Variants in DOCK5 observed in about 807,000 individuals in gnomAD.
DOCK5 encodes the protein dedicator of cytokinesis 5.
A neutral mutation model predicts 251.8 loss-of-function variants in DOCK5; 142 were observed. The ratio of observed to expected loss-of-function variants is 0.56; its 90% CI spans 0.49 to 0.65. The LOEUF (loss-of-function observed/expected upper bound fraction) is 0.65. DOCK5 is among the 30% of genes least tolerant of loss of function. The pLI is 0.00. For missense variants in DOCK5, 2,111 were observed against 2,312.3 expected (o/e 0.91, Z 1.79); for synonymous variants, 842 against 835.5 (o/e 1.01, Z -0.13).
rs910096030 is a variant in DOCK5, at chr8:25,342,459, C to T, written c.2569C>T (p.Leu857Phe). The change falls in exon 25 of 52, where the codon CTT becomes TTT. Residue 857 changes from leucine to phenylalanine, a missense_variant. Transcript: ENST00000276440. ...IPDNQLVRQK[L>F]NCMTKIVEST... ...TGACAACCAGCTGGTTCGGCAGAAA[C>T]TTAACTGCATGACCAAGATAGTAGA... 6.2e-7 allele frequency: 1 copy of T among 1,601,704 alleles called. No homozygotes were observed. The highest frequency in any genetic ancestry group is 1.7e-5 in the Admixed American group (1 of 58,754).
At chr8:25,352,289 A>AAGG (rs1211077361) in intron 27 of DOCK5, among the ~76,000 whole-genome samples, 63 of 149,612 alleles carry the variant, frequency 4.2e-4, no homozygotes, top group South Asian at 1.5e-3. Flanking sequence ...GGAAGGAAGG[A>AAGG]AAAAAGGAGA....
intron 2 of DOCK5, among the ~76,000 whole-genome samples, chr8:25,248,862 T>C (rs1803193002): frequency 6.6e-6 from 1 of 151,516 alleles, no homozygotes; most frequent in Non-Finnish European, 1.5e-5. Flanking sequence ...GGGTCAGGGG[T>C]CACCTCCACA....
intron 2 of DOCK5, among the ~76,000 whole-genome samples, chr8:25,258,135 G>T (rs1240285562): frequency 6.6e-6 from 1 of 151,970 alleles, no homozygotes; most frequent in Non-Finnish European, 1.5e-5. Flanking sequence ...AGGCACAGAG[G>T]GAGGTTTCCT....
At position 25,408,950 on chromosome 8, in the gene DOCK5, C is replaced by T; in HGVS notation, c.5404+10C>T. On this transcript the variant is annotated intron_variant, in intron 50 of 51. Transcript: ENST00000276440. ...GCCACCAGGACCCTAAGTAAGTTTTCCTGTATTCCTTATAGTCTTTTTACT... is the reference window on the plus strand; with the variant it reads ...GCCACCAGGACCCTAAGTAAGTTTTTCTGTATTCCTTATAGTCTTTTTACT... The T allele has an allele frequency of 6.2e-7, 1 of 1,613,920 alleles. No homozygotes were observed. Among genetic ancestry groups the T allele is most frequent in the Non-Finnish European group, 8.5e-7 (1 of 1,179,838 alleles).
intron 1 of DOCK5, among the ~76,000 whole-genome samples, chr8:25,192,055 A>G (rs931428889): frequency 1.3e-5 from 2 of 151,848 alleles, no homozygotes; most frequent in Admixed American, 6.6e-5. Context: ...GCTGAGAATG[A>G]TGGTTTCCAG....
Position 25,269,046 on chromosome 8 carries a change from G to C in DOCK5, c.168+161G>C, listed in dbSNP as rs143259364. Among the ~76,000 whole-genome samples, 10 of 152,274 alleles carry C rather than the reference G, an allele frequency of 6.6e-5. No individual in the cohort carries two copies. In the East Asian group the frequency reaches 1.9e-3, roughly 29 times the overall value. Reference sequence around the variant, plus strand: ...TTTGAAAGCAAATTCTCTGACCTCAGTGCCTAAATGTAATAGTGTAAATCC... The same window carrying C: ...TTTGAAAGCAAATTCTCTGACCTCACTGCCTAAATGTAATAGTGTAAATCC... On this transcript the variant is annotated intron_variant, in intron 3 of 51. Transcript: ENST00000276440.
chr8:25,288,504 T>G (rs1022791788), intron 5 of DOCK5, among the ~76,000 whole-genome samples: 1 of 152,188 alleles, frequency 6.6e-6, no homozygotes, highest in Admixed American at 6.5e-5. Flanking sequence ...ACGGATAGTG[T>G]CTAATGTAAC....
intron 1 of DOCK5, among the ~76,000 whole-genome samples, chr8:25,215,007 G>C (rs564903976): frequency 3.9e-5 from 6 of 152,168 alleles, no homozygotes; most frequent in African/African-American, 1.4e-4. Context: ...TTTCTCCCAT[G>C]CATCAGCAGA....
chr8:25,272,876 C>T (rs1305436163), intron 3 of DOCK5, among the ~76,000 whole-genome samples: 1 of 152,086 alleles, frequency 6.6e-6, no homozygotes, highest in Non-Finnish European at 1.5e-5. Flanking sequence ...TTCCCTATCC[C>T]CCGCAAGCCC....
At chr8:25,292,425 G>A (rs1804517622) in intron 6 of DOCK5, among the ~76,000 whole-genome samples, 1 of 152,076 alleles carries the variant, frequency 6.6e-6, no homozygotes, top group Non-Finnish European at 1.5e-5. Flanking sequence ...CTTGGACTGA[G>A]GCTGCTCCAC....
In DOCK5 at chr8:25,414,909, C is replaced by CTTTTTTTTTTTTTTTTTTTT. The variant is rs56338302; in HGVS notation, c.*3624_*3625insTTTTTTTTTTTTTTTTTTTT. 213 of 96,462 alleles carry CTTTTTTTTTTTTTTTTTTTT rather than the reference C, an allele frequency of 2.2e-3. No individual in the cohort carries two copies. Among genetic ancestry groups the CTTTTTTTTTTTTTTTTTTTT allele is most frequent in the Non-Finnish European group, 2.8e-3 (142 of 50,098 alleles). 6.0% of individuals were successfully genotyped at this position (96,462 alleles called of 1,614,324 possible). A position where few individuals can be genotyped will look rare whatever the true frequency, so the allele number is the denominator to read the frequency against. On this transcript the variant is annotated 3_prime_UTR_variant, in exon 52 of 52. Coordinates refer to ENST00000276440, the MANE Select transcript of DOCK5 (RefSeq NM_024940.8). ...ATTTGTAGTCAGTCCCTGGGCCTGT[C>CTTTTTTTTTTTTTTTTTTTT]TTTTTTTTTTTTTAATTTTGAAGCT...
chr8:25,364,708 G>C lies in DOCK5; in HGVS notation c.3123+4G>C, dbSNP rs199710436. ...TCAGGCAAGCTTTGAACTTCAGGTA[G>C]GCATGTGACTCACCTACCTGCTTCT... On this transcript the variant is annotated splice_donor_region_variant and intron_variant, in intron 30 of 51. Transcript: ENST00000276440. The C allele has an allele frequency of 6.3e-7, 1 of 1,582,342 alleles. No homozygotes were observed. The highest frequency in any genetic ancestry group is 1.3e-5 in the African/African-American group (1 of 74,662).
intron 1 of DOCK5, among the ~76,000 whole-genome samples, chr8:25,200,471 A>C (rs1801854162): frequency 6.6e-6 from 1 of 152,236 alleles, no homozygotes; most frequent in African/African-American, 2.4e-5. Flanking sequence ...GTGTTGACAA[A>C]GGTGAGAGTG....
chr8:25,342,108 A>G (rs1027985022), intron 24 of DOCK5, among the ~76,000 whole-genome samples: 6 of 152,196 alleles, frequency 3.9e-5, no homozygotes, highest in African/African-American at 1.4e-4. Context: ...TCAGACTGCA[A>G]TCAACATGAG....
chr8:25,386,461 T>C (rs1801166113), intron 40 of DOCK5, among the ~76,000 whole-genome samples: 1 of 152,050 alleles, frequency 6.6e-6, no homozygotes, highest in African/African-American at 2.4e-5. Flanking sequence ...TAGCCAGGCA[T>C]GGTAGCATGT....
At chr8:25,253,221 T>G (rs1466541976) in intron 2 of DOCK5, among the ~76,000 whole-genome samples, 2 of 152,248 alleles carry the variant, frequency 1.3e-5, no homozygotes, top group Admixed American at 6.5e-5. Context: ...CTTCATTCAG[T>G]TATTCTGTCA....
At chr8:25,391,319 C>T (rs936835684) in intron 42 of DOCK5, among the ~76,000 whole-genome samples, 3 of 151,850 alleles carry the variant, frequency 2.0e-5, no homozygotes, top group African/African-American at 7.3e-5. Context: ...ACCTCTGCCT[C>T]CCGAAGTGGT....
chr8:25,374,848 A>G, intron 37 of DOCK5, 194 bp downstream of exon 37: 1 of 1,426,732 alleles, frequency 7.0e-7, no homozygotes, highest in Non-Finnish European at 9.2e-7. Context: ...GTTATCTTTT[A>G]TTTAAAAATC....
intron 28 of DOCK5, among the ~76,000 whole-genome samples, chr8:25,361,577 G>A (rs1800680515): frequency 6.6e-6 from 1 of 152,170 alleles, no homozygotes; most frequent in Non-Finnish European, 1.5e-5. Flanking sequence ...TTGTGCCGCT[G>A]CACTCCAGCC....
Sources: gnomAD v4.1 joint callset for allele counts (sites outside exome capture counted in the v4.1 genomes callset) on GRCh38, gnomAD v4.1.1 for gene constraint, MANE v1.5 for transcripts, NCBI Gene and HGNC (gene_info 2026-07-23, HGNC 2026-07-21) for gene names.